DACH2: variants seen among roughly 807,000 people sequenced by gnomAD.
DACH2 encodes dachshund family transcription factor 2.
In DACH2, 17 loss-of-function variants were observed where a neutral mutation model predicts 35.8. That is an observed-to-expected ratio of 0.48 (90% CI 0.33 to 0.71). DACH2 has a LOEUF of 0.71. Among genes scored for constraint, DACH2 ranks in the 30% least tolerant of loss-of-function variants. The pLI is 0.02. For synonymous variants in DACH2, 195 were observed against 177.3 expected (o/e 1.10, Z -0.79); for missense variants, 469 against 472.7 (o/e 0.99, Z 0.07).
chrX:86,161,282 T>G, intron 1 of DACH2: 1 of 1,190,285 alleles, frequency 8.4e-7, no homozygotes, highest in Non-Finnish European at 1.1e-6. Context: ...AGATACCAGC[T>G]TCAAATTCAC....
chrX:86,397,376 CT>C (rs965441824), intron 2 of DACH2, among the ~76,000 whole-genome samples: 2 of 111,300 alleles, frequency 1.8e-5, no homozygotes, highest in African/African-American at 6.5e-5. Flanking sequence ...ATTGAATGCC[CT>C]TTATTTTCTT....
rs1378300889 is a variant in DACH2 at position 86,698,519 on chromosome X, G to GT, written c.931+3341dup. 1.1e-3 allele frequency among the ~76,000 whole-genome samples: 34 copies of GT among 32,076 alleles called. 3 individuals are homozygous for GT. The highest frequency in any genetic ancestry group is 1.5e-3 in the Non-Finnish European group (27 of 18,371). The allele number at this position is 32,076 out of a possible 115,157, so 27.9% of individuals were successfully genotyped here. On this transcript the variant is annotated intron_variant, in intron 5 of 11. Transcript: ENST00000373125. ...TTCTTCTTTTTGTTTTGTTAGTTTT[G>GT]TGTTTTTTTTTTTTTTTTTTTTTTT...
At chrX:86,304,100 G>A (rs1229721326) in intron 1 of DACH2, among the ~76,000 whole-genome samples, 1 of 112,053 alleles carries the variant, frequency 8.9e-6, no homozygotes, top group Non-Finnish European at 1.9e-5. Flanking sequence ...TGATTTTTGT[G>A]CCAAGAACAC....
chrX:86,810,787 A>G (rs1013449265), intron 7 of DACH2, among the ~76,000 whole-genome samples: 1 of 111,253 alleles, frequency 9.0e-6, no homozygotes, highest in Non-Finnish European at 1.9e-5. Flanking sequence ...AGGTCACAGA[A>G]TTTGTGATAA....
chrX:86,490,945 G>A (rs966745746), intron 2 of DACH2, among the ~76,000 whole-genome samples: 1 of 111,061 alleles, frequency 9.0e-6, no homozygotes, highest in Non-Finnish European at 1.9e-5. Context: ...CCTATTTCTT[G>A]TACAAGTAGG....
rs1391614901 is a variant in DACH2, at chrX:86,282,979, C to T, written c.489-93845C>T. Among the ~76,000 whole-genome samples, 5 of 38,157 alleles carry T rather than the reference C, an allele frequency of 1.3e-4. 1 individual carries two copies. The highest frequency in any genetic ancestry group is 2.0e-4 in the Non-Finnish European group (5 of 25,216). The allele number at this position is 38,157 out of a possible 115,157, so 33.1% of individuals were successfully genotyped here. On this transcript the variant is annotated intron_variant, in intron 1 of 11. Transcript: ENST00000373125. ...TTTTTTAGTAGAGACGGGGTTTCACCGCTTTAGCCGGGATGGTCTCGATCT... is the reference window on the plus strand; with the variant it reads ...TTTTTTAGTAGAGACGGGGTTTCACTGCTTTAGCCGGGATGGTCTCGATCT...
At chrX:86,169,723 A>G (rs1240950111) in intron 1 of DACH2, among the ~76,000 whole-genome samples, 2 of 110,633 alleles carry the variant, frequency 1.8e-5, no homozygotes, top group Non-Finnish European at 3.8e-5. Context: ...TGTTAAATGT[A>G]TCTGATAGAA....
intron 2 of DACH2, among the ~76,000 whole-genome samples, chrX:86,380,976 A>G (rs1289605172): frequency 9.0e-6 from 1 of 110,552 alleles, no homozygotes; most frequent in East Asian, 2.8e-4. Flanking sequence ...TGTATAACAC[A>G]ATTTGATAAT....
At chrX:86,274,904 C>T (rs1298880537) in intron 1 of DACH2, among the ~76,000 whole-genome samples, 1 of 111,276 alleles carries the variant, frequency 9.0e-6, no homozygotes, top group East Asian at 2.8e-4. Flanking sequence ...CAGTAAATGA[C>T]AACAAAAAAG....
Position 86,827,813 on chromosome X carries a change from G to T in DACH2, c.1751-4293G>T. 4.3e-6 allele frequency: 5 copies of T among 1,159,829 alleles called. No individual in the cohort carries two copies. The South Asian group carries it at 9.6e-5, about 22-fold the overall frequency. On this transcript the variant is annotated intron_variant, in intron 11 of 11. Transcript: ENST00000373125. ...CCAACTGATCATAGGCACGAATAGG[G>T]TGCTGTAGCAGTTACCTGCTTATCT...
chrX:86,754,833 G>A (rs1468305029), intron 7 of DACH2, among the ~76,000 whole-genome samples: 1 of 111,622 alleles, frequency 9.0e-6, no homozygotes, highest in Admixed American at 9.5e-5. Flanking sequence ...ATCTGGTGAG[G>A]GACACTTAGG....
rs1206188284 is a variant in DACH2 at position 86,650,904 on chromosome X, A to ATCC, written c.641-131_641-129dup. 7 of 509,859 alleles carry ATCC rather than the reference A, an allele frequency of 1.4e-5. No homozygotes were observed. The African/African-American group carries it at 1.8e-4, about 13-fold the overall frequency. 42.0% of individuals were successfully genotyped at this position (509,859 alleles called of 1,213,427 possible). A position where few individuals can be genotyped will look rare whatever the true frequency, so the allele number is the denominator to read the frequency against. ...AATGATCCCCATTTTACAAAGGATC[A>ATCC]TCCATAGCTCAAGCCTCAGTATCAT... On this transcript the variant is annotated intron_variant, in intron 3 of 11. Coordinates refer to ENST00000373125, the MANE Select transcript of DACH2 (RefSeq NM_053281.3).
chrX:86,277,967 A>G (rs1315521527), intron 1 of DACH2, among the ~76,000 whole-genome samples: 1 of 111,698 alleles, frequency 9.0e-6, no homozygotes, highest in African/African-American at 3.3e-5. Flanking sequence ...TCTCAATCGG[A>G]TTGTGATGTG....
At chrX:86,831,323 T>C (rs1293823987) in intron 11 of DACH2, 1 of 111,050 alleles carries the variant, frequency 9.0e-6, no homozygotes. Context: ...TCAGAAACAT[T>C]ATCTTTAAGT....
intron 1 of DACH2, among the ~76,000 whole-genome samples, chrX:86,283,287 T>A (rs761015031): frequency 9.0e-6 from 1 of 110,804 alleles, no homozygotes; most frequent in Admixed American, 9.6e-5. Flanking sequence ...TGGTTGGAGT[T>A]TAAATTAATT....
intron 7 of DACH2, among the ~76,000 whole-genome samples, chrX:86,779,693 G>A (rs1192318654): frequency 9.0e-6 from 1 of 111,214 alleles, no homozygotes; most frequent in Admixed American, 9.6e-5. Context: ...CAATGGAAGT[G>A]GTGAAAAGTG....
At chrX:86,760,020 C>A (rs1179632481) in intron 7 of DACH2, among the ~76,000 whole-genome samples, 1 of 111,833 alleles carries the variant, frequency 8.9e-6, no homozygotes, top group Non-Finnish European at 1.9e-5. Context: ...TCTTTTAGCA[C>A]TTTGAGTATA....
intron 3 of DACH2, among the ~76,000 whole-genome samples, chrX:86,527,326 C>T (rs567978242): frequency 8.9e-6 from 1 of 111,841 alleles, no homozygotes; most frequent in South Asian, 3.7e-4. Context: ...CTCATTTTCT[C>T]AACCTTTCTA....
chrX:86,747,230 TACA>T (rs1217113656), intron 7 of DACH2, among the ~76,000 whole-genome samples: 1 of 111,821 alleles, frequency 8.9e-6, no homozygotes, highest in Admixed American at 9.6e-5. Flanking sequence ...CAACTGGAAT[TACA>T]ACAAGGATTC....
Sources: allele counts gnomAD v4.1 joint callset (sites outside exome capture counted in the v4.1 genomes callset), GRCh38; gene constraint gnomAD v4.1.1; transcripts MANE v1.5; gene names NCBI Gene and HGNC (gene_info 2026-07-23, HGNC 2026-07-21).